The following POLR1B variants were observed in gnomAD, a reference collection of about 807,000 sequenced individuals.
POLR1B encodes RNA polymerase I subunit B, also known as DNA-directed RNA polymerase I subunit RPA2.
In POLR1B, 30 loss-of-function variants were observed where a neutral mutation model predicts 105.8. The ratio of observed to expected loss-of-function variants is 0.28; its 90% CI spans 0.21 to 0.38. POLR1B has a LOEUF of 0.38. Ranked by LOEUF, POLR1B falls within the 10% of genes least tolerant of loss-of-function variation. POLR1B has a pLI of 1.00. For missense variants in POLR1B, 976 were observed against 1,435.8 expected, an observed-to-expected ratio of 0.68 and a Z score of 5.17; for synonymous variants, 485 against 505.1, an observed-to-expected ratio of 0.96 and a Z score of 0.53.
chr2:112,566,884 C>T (rs897695119), intron 10 of POLR1B, among the ~76,000 whole-genome samples: 2 of 152,120 alleles, frequency 1.3e-5, no homozygotes, highest in African/African-American at 4.8e-5. Context: ...AGGTGCACAC[C>T]ACCATGCCTG....
rs573716012 is a variant in POLR1B, at chr2:112,552,541, A to C, written c.987-104A>C. On this transcript the variant is annotated intron_variant, in intron 6 of 14. Transcript: ENST00000263331. ...AAAAACTGAATGCTTAATTTTATTT[A>C]ATTAAAGTTAAGTAAGCATGAGTTG... is the stretch of plus-strand genomic sequence containing the variant. 1.7e-4 allele frequency: 210 copies of C among 1,215,408 alleles called. No individual in the cohort carries two copies. The African/African-American group carries it at 3.0e-3, about 18-fold the overall frequency. 75.3% of individuals were successfully genotyped at this position (1,215,408 alleles called of 1,614,324 possible). A position where few individuals can be genotyped will look rare whatever the true frequency, so the allele number is the denominator to read the frequency against.
In POLR1B at chr2:112,575,512, G is replaced by A. The variant is rs186060938; in HGVS notation, c.3191G>A (p.Arg1064Gln). ...LHDRLFNCSDRSVAHVCVKCG... is the reference protein window; with the variant it reads ...LHDRLFNCSDQSVAHVCVKCG... The stretch of plus-strand genomic sequence containing the variant: ...GACCGCCTCTTCAACTGCTCAGATC[G>A]GTCGGTAGCCCATGTGTGTGTGAAG... The change falls in exon 15 of 15, where the codon CGG becomes CAG. Residue 1064 changes from arginine (R) to glutamine (Q), a missense_variant. By Grantham distance (43) the Arg-to-Gln change is conservative. Coordinates refer to ENST00000263331, the MANE Select transcript of POLR1B (RefSeq NM_019014.6). The surrounding 1 kb of genome is among the most constrained non-coding windows in gnomAD (Gnocchi z 5.3). 9.5e-5 allele frequency: 153 copies of A among 1,614,110 alleles called. No individual in the cohort carries two copies. In the Admixed American group the frequency reaches 2.1e-3, roughly 22 times the overall value.
chr2:112,569,003 C>CA, intron 12 of POLR1B, 101 bp downstream of exon 12: 1 of 1,264,580 alleles, frequency 7.9e-7, no homozygotes, highest in African/African-American at 1.5e-5. Flanking sequence ...CCATTTGTTC[C>CA]AAAAATACAG....
At chr2:112,562,927 C>A (rs1046862043) in intron 9 of POLR1B, among the ~76,000 whole-genome samples, 1 of 151,562 alleles carries the variant, frequency 6.6e-6, no homozygotes, top group Non-Finnish European at 1.5e-5. Flanking sequence ...CGGGGTTTTT[C>A]CATGTTGGTC....
chr2:112,552,027 G>A, intron 6 of POLR1B, 29 bp downstream of exon 6: 2 of 1,566,276 alleles, frequency 1.3e-6, no homozygotes, highest in Non-Finnish European at 1.8e-6. Flanking sequence ...AACTGTTTTT[G>A]GAGGGGCGGA....
At chr2:112,567,402 G>A (rs1226967457) in intron 10 of POLR1B, among the ~76,000 whole-genome samples, 1 of 151,298 alleles carries the variant, frequency 6.6e-6, no homozygotes, top group Non-Finnish European at 1.5e-5. Flanking sequence ...TTGTTTTTGA[G>A]ACAGGGTCAC....
chr2:112,564,566 T>A, intron 10 of POLR1B, 67 bp downstream of exon 10: 2 of 1,605,108 alleles, frequency 1.2e-6, no homozygotes, highest in Non-Finnish European at 1.7e-6. Context: ...TTTCTAGTTT[T>A]GGGGTTAACC....
chr2:112,565,564 C>A (rs1558662606), intron 10 of POLR1B, among the ~76,000 whole-genome samples: 2 of 144,724 alleles, frequency 1.4e-5, no homozygotes, highest in Non-Finnish European at 3.1e-5. Flanking sequence ...CTTTTCTTTT[C>A]TTTTTTTTTT....
intron 4 of POLR1B, 22 bp downstream of exon 4, chr2:112,549,421 A>G (rs1683243397): frequency 2.0e-6 from 3 of 1,504,748 alleles, no homozygotes; most frequent in Non-Finnish European, 2.7e-6. Context: ...AGATTATTAG[A>G]ATATTTTTTA....
At chr2:112,569,868 G>T (rs1684501304) in intron 12 of POLR1B, among the ~76,000 whole-genome samples, 1 of 150,322 alleles carries the variant, frequency 6.7e-6, no homozygotes, top group East Asian at 2.0e-4. Context: ...CTCAAATTTT[G>T]TTTTTTTTCA....
chr2:112,551,703 G>A (rs1683373626), intron 5 of POLR1B, 72 bp from the exon 6 acceptor site: 1 of 1,255,998 alleles, frequency 8.0e-7, no homozygotes, highest in African/African-American at 1.5e-5. Context: ...AATGAGAGAA[G>A]ATAATTATTA....
chr2:112,559,941 G>A lies in POLR1B; in HGVS notation c.1612+367G>A, dbSNP rs190059845. Reference sequence around the variant, plus strand: ...CACCGCGCCCGGCCAAGGTTACGTGGTTTTTAACCTGTTAAGTTGTGCTGC... The same window carrying A: ...CACCGCGCCCGGCCAAGGTTACGTGATTTTTAACCTGTTAAGTTGTGCTGC... On this transcript the variant is annotated intron_variant, in intron 9 of 14. Transcript: ENST00000263331. Among the ~76,000 whole-genome samples the A allele has an allele frequency of 1.2e-4, 18 of 152,130 alleles. No individual in the cohort carries two copies. In the East Asian group the frequency reaches 2.7e-3, roughly 23 times the overall value.
At chr2:112,561,481 A>G (rs1332829116) in intron 9 of POLR1B, among the ~76,000 whole-genome samples, 1 of 151,386 alleles carries the variant, frequency 6.6e-6, no homozygotes, top group South Asian at 2.1e-4. Flanking sequence ...TTTTTTACTT[A>G]ATTTCAGTTG....
intron 10 of POLR1B, among the ~76,000 whole-genome samples, chr2:112,565,060 AAATTTT>A (rs1372583200): frequency 6.6e-6 from 1 of 152,194 alleles, no homozygotes; most frequent in Non-Finnish European, 1.5e-5. Flanking sequence ...TGTTTAAACT[AAATTTT>A]AGTTTTCGTT....
chr2:112,575,495 C>T lies in POLR1B; in HGVS notation c.3174C>T (p.Leu1058=). The T allele has an allele frequency of 6.2e-7, 1 of 1,614,176 alleles. No individual in the cohort carries two copies. The highest frequency in any genetic ancestry group is 8.5e-7 in the Non-Finnish European group (1 of 1,180,036). ...HGTSFLLHDR[L]FNCSDRSVAH... ...CATCTTTTCTCCTTCATGACCGCCTCTTCAACTGCTCAGATCGGTCGGTAG... is the reference window on the plus strand; with the variant it reads ...CATCTTTTCTCCTTCATGACCGCCTTTTCAACTGCTCAGATCGGTCGGTAG... The change falls in exon 15 of 15, where the codon CTC becomes CTT. Residue 1058 remains leucine, a synonymous_variant. Coordinates refer to ENST00000263331, the MANE Select transcript of POLR1B (RefSeq NM_019014.6). This position sits in a 1 kb window ranked among gnomAD's most constrained non-coding sequence, Gnocchi z 5.3.
Position 112,572,570 on chromosome 2 carries a change from A to AC in POLR1B, c.2084dup (p.Met696TyrfsTer14). 1 of 1,579,918 alleles carries AC rather than the reference A, an allele frequency of 6.3e-7. No homozygotes were observed. The highest frequency in any genetic ancestry group is 8.6e-7 in the Non-Finnish European group (1 of 1,162,882). ...GTTTTTTCTCCATGTAGGTAAGCAAACTATGGGCTTTCCACTTCTCACTTA... is the reference window on the plus strand; with the variant it reads ...GTTTTTTCTCCATGTAGGTAAGCAAACCTATGGGCTTTCCACTTCTCACTTA... On this transcript the variant is annotated frameshift_variant, in exon 13 of 15. Transcript: ENST00000263331. LOFTEE classifies it high-confidence loss of function.
Position 112,564,599 on chromosome 2 carries a change from A to G in POLR1B, c.1746+100A>G, listed in dbSNP as rs1684183295. 9 of 1,492,118 alleles carry G rather than the reference A, an allele frequency of 6.0e-6. No individual in the cohort carries two copies. In the South Asian group the frequency reaches 9.9e-5, roughly 16 times the overall value. 92.4% of individuals were successfully genotyped at this position (1,492,118 alleles called of 1,614,324 possible). On this transcript the variant is annotated intron_variant, in intron 10 of 14. Coordinates refer to ENST00000263331, the MANE Select transcript of POLR1B (RefSeq NM_019014.6). ...ACCCCTGGGCGGTCTAGAGTGATCA[A>G]GTGGTCAGGGGGTCACAATGTCCAG... is the stretch of plus-strand genomic sequence containing the variant.
chr2:112,546,392 TGG>T (rs1683042486), intron 1 of POLR1B, among the ~76,000 whole-genome samples: 2 of 152,178 alleles, frequency 1.3e-5, no homozygotes, highest in Non-Finnish European at 2.9e-5. Context: ...ACAAGGCTCT[TGG>T]TTCAGAGAAC....
chr2:112,552,961 T>G (rs991451465), intron 7 of POLR1B, 145 bp downstream of exon 7: 20 of 732,576 alleles, frequency 2.7e-5, no homozygotes, highest in Non-Finnish European at 3.4e-5. Flanking sequence ...CATTTAGCAG[T>G]AAGGGGATCA....
Sources: allele counts gnomAD v4.1 joint callset (sites outside exome capture counted in the v4.1 genomes callset), GRCh38; gene constraint gnomAD v4.1.1; non-coding constraint Gnocchi (gnomAD v3.1); transcripts MANE v1.5; gene names NCBI Gene and HGNC (gene_info 2026-07-23, HGNC 2026-07-21).